Variants in TCF4 observed in about 807,000 individuals in gnomAD.
The protein encoded by TCF4 is SL3-3 enhancer factor 2.
In TCF4, 3 loss-of-function variants were observed where a neutral mutation model predicts 82.1. That is an observed-to-expected ratio of 0.04 (90% CI 0.02 to 0.09). The LOEUF (loss-of-function observed/expected upper bound fraction) is 0.09, where lower values mean the gene tolerates loss of function less well. Among genes scored for constraint, TCF4 ranks in the 10% least tolerant of loss-of-function variants. The probability of loss-of-function intolerance (pLI) is 1.00; values close to 1 mark genes in which losing one functional copy is unlikely to be tolerated. For synonymous variants in TCF4, 276 were observed against 309.6 expected, an observed-to-expected ratio of 0.89 and a Z score of 1.14; for missense variants, 518 against 852.7, an observed-to-expected ratio of 0.61 and a Z score of 4.89.
chr18:55,450,310 C>T (rs968575805), intron 5 of TCF4, among the ~76,000 whole-genome samples: 10 of 152,136 alleles, frequency 6.6e-5, no homozygotes, highest in African/African-American at 1.2e-4. Flanking sequence ...TCAAATGATG[C>T]TTCCTTGCAA....
intron 6 of TCF4, among the ~76,000 whole-genome samples, chr18:55,359,671 G>C (rs545312611): frequency 6.6e-6 from 1 of 152,152 alleles, no homozygotes; most frequent in Non-Finnish European, 1.5e-5. Context: ...TGTCCTCAGC[G>C]TTCCTCCTGT....
rs183350143 is a variant in TCF4, at chr18:55,403,903, T to C, written c.305-385A>G. The C allele has an allele frequency of 1.4e-5, 20 of 1,429,780 alleles. No homozygotes were observed. The East Asian group carries it at 3.8e-4, about 27-fold the overall frequency. 88.6% of individuals were successfully genotyped at this position (1,429,780 alleles called of 1,614,324 possible). A position where few individuals can be genotyped will look rare whatever the true frequency, so the allele number is the denominator to read the frequency against. On this transcript the variant is annotated intron_variant, in intron 5 of 19. Coordinates refer to ENST00000354452, the MANE Select transcript of TCF4 (RefSeq NM_001083962.2). ...ACCCTAGCCTAGTAATTCCCATTGA[T>C]TATATTGACACTTAATAGTGAGGCC...
At chr18:55,335,588 A>G (rs1349014861) in intron 8 of TCF4, among the ~76,000 whole-genome samples, 1 of 152,186 alleles carries the variant, frequency 6.6e-6, no homozygotes, top group Admixed American at 6.5e-5. Context: ...ACCGGTCAGC[A>G]AGTTTTCATG....
At chr18:55,274,285 T>C (rs1367062174) in intron 10 of TCF4, among the ~76,000 whole-genome samples, 1 of 152,168 alleles carries the variant, frequency 6.6e-6, no homozygotes, top group Non-Finnish European at 1.5e-5. Context: ...TCATCTGCTA[T>C]TTACTGGAAA....
At position 55,579,656 on chromosome 18, in the gene TCF4, T is replaced by C. The variant is rs116658330; in HGVS notation, c.145+5624A>G. Among the ~76,000 whole-genome samples, 322 of 152,136 alleles carry C rather than the reference T, an allele frequency of 2.1e-3. 1 individual carries two copies. Among genetic ancestry groups the C allele is most frequent in the African/African-American group, 7.2e-3 (301 of 41,560 alleles). ...CCTTATTAGGCAACTTAAGATCTGTTATCTTGGCTTATGGGAACAGATCTA... is the reference window on the plus strand; with the variant it reads ...CCTTATTAGGCAACTTAAGATCTGTCATCTTGGCTTATGGGAACAGATCTA... On this transcript the variant is annotated intron_variant, in intron 3 of 19. Transcript: ENST00000354452.
intron 15 of TCF4, among the ~76,000 whole-genome samples, chr18:55,252,356 TTTTG>T (rs1031472246): frequency 3.1e-5 from 4 of 130,898 alleles, no homozygotes; most frequent in African/African-American, 1.1e-4. Context: ...GCTTTATTGC[TTTTG>T]TGTGTGTGTG....
intron 7 of TCF4, among the ~76,000 whole-genome samples, 194 bp from the exon 8 acceptor site, chr18:55,350,602 T>A (rs1195148190): frequency 2.0e-5 from 3 of 152,150 alleles, no homozygotes; most frequent in Admixed American, 2.0e-4. Flanking sequence ...GATATTTAAC[T>A]TTTTGCTACT....
chr18:55,440,098 G>A (rs1440737893), intron 5 of TCF4, among the ~76,000 whole-genome samples: 1 of 151,886 alleles, frequency 6.6e-6, no homozygotes, highest in Non-Finnish European at 1.5e-5. Context: ...GTCTGAATAC[G>A]CATGCCTGTT....
chr18:55,391,930 T>G (rs1445238667), intron 6 of TCF4, among the ~76,000 whole-genome samples: 1 of 138,826 alleles, frequency 7.2e-6, no homozygotes, highest in Non-Finnish European at 1.5e-5. Context: ...AGAGTGAGAC[T>G]TCATCTAAAA....
chr18:55,563,266 G>A (rs896344551), intron 3 of TCF4, among the ~76,000 whole-genome samples: 7 of 149,410 alleles, frequency 4.7e-5, no homozygotes, highest in African/African-American at 1.2e-4. Flanking sequence ...AAAAGTCTGC[G>A]TTTTTTCTTT....
chr18:55,509,115 CTG>C (rs570828826), intron 3 of TCF4, among the ~76,000 whole-genome samples: 66 of 152,172 alleles, frequency 4.3e-4, no homozygotes, highest in Non-Finnish European at 7.6e-4. Context: ...TTAAATATAT[CTG>C]TGTGTGTCTT....
At chr18:55,298,430 C>T (rs898667643) in intron 8 of TCF4, among the ~76,000 whole-genome samples, 1 of 152,288 alleles carries the variant, frequency 6.6e-6, no homozygotes, top group African/African-American at 2.4e-5. Context: ...CCACCATGTT[C>T]GAAGACAGGC....
chr18:55,353,400 C>T (rs2082722409), intron 6 of TCF4, among the ~76,000 whole-genome samples: 1 of 152,172 alleles, frequency 6.6e-6, no homozygotes, highest in African/African-American at 2.4e-5. Context: ...CCAGATAGCA[C>T]TTACAAACCT....
intron 16 of TCF4, among the ~76,000 whole-genome samples, chr18:55,233,026 G>A (rs1435528543): frequency 6.6e-6 from 1 of 152,196 alleles, no homozygotes; most frequent in Non-Finnish European, 1.5e-5. Flanking sequence ...TCTTCCATAT[G>A]CAATGATTTA....
At chr18:55,438,195 C>T (rs1448794224) in intron 5 of TCF4, among the ~76,000 whole-genome samples, 8 of 140,118 alleles carry the variant, frequency 5.7e-5, no homozygotes, top group African/African-American at 1.9e-4. Context: ...AGTGAGACTT[C>T]GTCTCAAAAA....
intron 8 of TCF4, among the ~76,000 whole-genome samples, chr18:55,320,534 C>T (rs560059386): frequency 1.3e-5 from 2 of 152,226 alleles, no homozygotes; most frequent in East Asian, 3.9e-4. Flanking sequence ...TAGAAATAAC[C>T]GTTATGCATG....
intron 10 of TCF4, among the ~76,000 whole-genome samples, chr18:55,271,507 G>A (rs915349391): frequency 1.3e-5 from 2 of 152,118 alleles, no homozygotes; most frequent in Admixed American, 1.3e-4. Context: ...GATTTTCAAA[G>A]ACGCATGAAT....
intron 6 of TCF4, among the ~76,000 whole-genome samples, chr18:55,388,172 A>T (rs2092757907): frequency 6.6e-6 from 1 of 152,244 alleles, no homozygotes; most frequent in Non-Finnish European, 1.5e-5. Flanking sequence ...TATAAAGTAA[A>T]CATGAAGAGG....
intron 3 of TCF4, among the ~76,000 whole-genome samples, chr18:55,559,917 G>T (rs1395124692): frequency 2.0e-5 from 3 of 152,112 alleles, no homozygotes; most frequent in African/African-American, 4.8e-5. Context: ...AGCGCAGGGG[G>T]TGGGGAGTAT....
Sources: allele counts gnomAD v4.1 joint callset (sites outside exome capture counted in the v4.1 genomes callset), GRCh38; gene constraint gnomAD v4.1.1; transcripts MANE v1.5; gene names NCBI Gene and HGNC (gene_info 2026-07-23, HGNC 2026-07-21).